The following PDE1C variants were observed in gnomAD, a reference collection of about 807,000 sequenced individuals.
PDE1C encodes the protein phosphodiesterase 1C.
Under a neutral mutation model 93.1 loss-of-function variants are expected in PDE1C, and 62 were observed. That is an observed-to-expected ratio of 0.67 (90% CI 0.54 to 0.82). The LOEUF (loss-of-function observed/expected upper bound fraction) is 0.82. Ranked by LOEUF, PDE1C falls within the 40% of genes least tolerant of loss-of-function variation. The pLI is 0.00. For synonymous variants in PDE1C, 325 were observed against 310.1 expected (o/e 1.05, Z -0.50); for missense variants, 742 against 884.6 (o/e 0.84, Z 2.04).
intron 2 of PDE1C, among the ~76,000 whole-genome samples, chr7:32,033,340 A>G (rs1280582146): frequency 6.6e-6 from 1 of 152,092 alleles, no homozygotes; most frequent in African/African-American, 2.4e-5. Flanking sequence ...CAGTAGTTTT[A>G]ATGAACTTAC....
intron 2 of PDE1C, among the ~76,000 whole-genome samples, chr7:32,208,449 T>A (rs1805766696): frequency 6.6e-6 from 1 of 152,098 alleles, no homozygotes; most frequent in Non-Finnish European, 1.5e-5. Context: ...CTACTAAGTC[T>A]TTTTGTAGTC....
intron 3 of PDE1C, among the ~76,000 whole-genome samples, chr7:32,141,671 A>G (rs1800540427): frequency 6.6e-6 from 1 of 152,226 alleles, no homozygotes; most frequent in Non-Finnish European, 1.5e-5. Context: ...AAACTTAAAG[A>G]ACAAGGACAA....
chr7:31,917,709 G>A (rs868143918), intron 2 of PDE1C, among the ~76,000 whole-genome samples: 61 of 152,174 alleles, frequency 4.0e-4, no homozygotes, highest in African/African-American at 1.5e-3. Flanking sequence ...TTAAGAGCCT[G>A]GCCAGCTATT....
chr7:31,786,917 CT>C (rs1784027787), intron 16 of PDE1C: 1 of 91,432 alleles, frequency 1.1e-5, no homozygotes, highest in Non-Finnish European at 2.3e-5. Flanking sequence ...ATCTATCTAT[CT>C]ATCTATCTAT....
chr7:31,807,297 T>C (rs1389684779), intron 16 of PDE1C, among the ~76,000 whole-genome samples: 2 of 151,958 alleles, frequency 1.3e-5, no homozygotes, highest in African/African-American at 4.8e-5. Flanking sequence ...CTTTTATTTA[T>C]AGCAGTCTGC....
chr7:31,815,004 G>A (rs1428568169), intron 15 of PDE1C, among the ~76,000 whole-genome samples: 1 of 151,798 alleles, frequency 6.6e-6, no homozygotes, highest in Non-Finnish European at 1.5e-5. Flanking sequence ...CCAAATCAAA[G>A]CCCTGTGTAC....
intron 1 of PDE1C, among the ~76,000 whole-genome samples, chr7:32,271,419 A>G (rs1028795989): frequency 1.3e-5 from 2 of 152,266 alleles, no homozygotes; most frequent in Non-Finnish European, 2.9e-5. Context: ...AATAAGAGGT[A>G]TCATTTCTTA....
chr7:32,162,515 G>T (rs1407403514), intron 3 of PDE1C, among the ~76,000 whole-genome samples: 1 of 152,164 alleles, frequency 6.6e-6, no homozygotes, highest in Non-Finnish European at 1.5e-5. Context: ...CCTGGATGCA[G>T]GTCTGACTCC....
At chr7:31,645,605 A>G in the PDE1C span, among the ~76,000 whole-genome samples, 1 of 151,878 alleles carries the variant, frequency 6.6e-6, no homozygotes, top group Non-Finnish European at 1.5e-5. Flanking sequence ...CATCACCACC[A>G]CCCACCACCA....
At chr7:32,165,160 C>A (rs1176411695) in intron 3 of PDE1C, among the ~76,000 whole-genome samples, 1 of 152,194 alleles carries the variant, frequency 6.6e-6, no homozygotes, top group African/African-American at 2.4e-5. Context: ...AGCCACAAAA[C>A]CCATGTTTGA....
chr7:32,084,573 C>G (rs1197606923), intron 3 of PDE1C, among the ~76,000 whole-genome samples: 1 of 151,880 alleles, frequency 6.6e-6, no homozygotes, highest in Non-Finnish European at 1.5e-5. Flanking sequence ...CACACCACAC[C>G]TATTCCAAAA....
Position 31,830,112 on chromosome 7 carries a change from T to C in PDE1C, c.1204-1739A>G, listed in dbSNP as rs190506565. Among the ~76,000 whole-genome samples, 465 of 152,294 alleles carry C rather than the reference T, an allele frequency of 3.1e-3. 2 individuals are homozygous for C. The highest frequency in any genetic ancestry group is 0.011 in the African/African-American group (437 of 41,564). On this transcript the variant is annotated intron_variant, in intron 11 of 17. Transcript: ENST00000396191. ...CATAATTTACATGCTTTGTATTTAA[T>C]TGAGCTGTGTAGACTCGACTAATAA...
chr7:32,323,762 G>A (rs919469215), intron 1 of PDE1C, among the ~76,000 whole-genome samples: 3 of 152,214 alleles, frequency 2.0e-5, no homozygotes, highest in South Asian at 4.1e-4. Context: ...ATTAGGACCT[G>A]AGGATGAAGC....
intron 1 of PDE1C, among the ~76,000 whole-genome samples, chr7:32,212,872 G>A (rs143888017): frequency 5.6e-4 from 85 of 152,290 alleles, no homozygotes; most frequent in African/African-American, 2.0e-3. Flanking sequence ...GAACCACCGA[G>A]CAGGTTTCTT....
the PDE1C span, among the ~76,000 whole-genome samples, chr7:31,644,945 G>A: frequency 6.6e-6 from 1 of 152,192 alleles, no homozygotes; most frequent in East Asian, 1.9e-4. Context: ...CAAATATTTA[G>A]TGAGTGTCTA....
intron 1 of PDE1C, among the ~76,000 whole-genome samples, chr7:32,232,787 T>C (rs371109525): frequency 5.9e-5 from 9 of 152,296 alleles, no homozygotes; most frequent in Admixed American, 3.3e-4. Flanking sequence ...CTAAGTGACA[T>C]ACTTGGGACA....
chr7:31,967,234 G>A (rs190304969), intron 2 of PDE1C, among the ~76,000 whole-genome samples: 1 of 152,158 alleles, frequency 6.6e-6, no homozygotes, highest in Non-Finnish European at 1.5e-5. Context: ...AAGAAGAAAA[G>A]AGAGAAGAAT....
At chr7:32,183,028 C>T (rs1445076889) in intron 2 of PDE1C, among the ~76,000 whole-genome samples, 2 of 152,082 alleles carry the variant, frequency 1.3e-5, no homozygotes, top group Non-Finnish European at 2.9e-5. Flanking sequence ...AGAGCCAAAT[C>T]GTGAGTGAAT....
At chr7:31,934,415 G>A (rs1804740172) in intron 2 of PDE1C, among the ~76,000 whole-genome samples, 1 of 152,102 alleles carries the variant, frequency 6.6e-6, no homozygotes, top group Admixed American at 6.6e-5. Flanking sequence ...CGATATTAAT[G>A]TAATCCTTGT....
Sources: allele counts gnomAD v4.1 joint callset (sites outside exome capture counted in the v4.1 genomes callset), GRCh38; gene constraint gnomAD v4.1.1; transcripts MANE v1.5; gene names NCBI Gene and HGNC (gene_info 2026-07-23, HGNC 2026-07-21).